CEP128: variants seen among roughly 807,000 people sequenced by gnomAD.
CEP128 encodes centrosomal protein 128.
CEP128 carries 132 observed loss-of-function variants against 156.7 expected under a neutral mutation model. The ratio of observed to expected loss-of-function variants is 0.84; its 90% CI spans 0.73 to 0.97. The LOEUF (loss-of-function observed/expected upper bound fraction) is 0.97. CEP128 is among the 50% of genes least tolerant of loss of function. The pLI is 0.00. For missense variants in CEP128, 1,252 were observed against 1,281.9 expected (o/e 0.98, Z 0.36); for synonymous variants, 469 against 448.9 (o/e 1.04, Z -0.57).
intron 13 of CEP128, among the ~76,000 whole-genome samples, chr14:80,812,180 G>C (rs1326975017): frequency 1.3e-5 from 2 of 152,068 alleles, no homozygotes; most frequent in Non-Finnish European, 2.9e-5. Flanking sequence ...GAGTTAATTG[G>C]CTCAGGATAA....
intron 19 of CEP128, among the ~76,000 whole-genome samples, chr14:80,680,413 C>T (rs2630274): frequency 0.16 from 24,009 of 152,072 alleles, 2,144 homozygotes; most frequent in African/African-American, 0.23. Flanking sequence ...CGGCCCTCTG[C>T]GCTCCATGCC....
At chr14:80,498,511 A>G (rs886076068) in intron 24 of CEP128, among the ~76,000 whole-genome samples, 1 of 152,154 alleles carries the variant, frequency 6.6e-6, no homozygotes, top group African/African-American at 2.4e-5. Flanking sequence ...CCGTATCTCT[A>G]GGAGACCATG....
rs1407268398 is a variant in CEP128 at position 80,862,871 on chromosome 14, A to G, written c.648T>C (p.Val216=). 1 of 1,610,512 alleles carries G rather than the reference A, an allele frequency of 6.2e-7. No homozygotes were observed. The highest frequency in any genetic ancestry group is 1.3e-5 in the African/African-American group (1 of 74,862). ...GAAGCCGCCGCTCCACCCGATCTGAAACCTTAATAAGAATTCAGAGAAACA... is the reference window on the plus strand; with the variant it reads ...GAAGCCGCCGCTCCACCCGATCTGAGACCTTAATAAGAATTCAGAGAAACA... The part of the protein sequence containing the change: ...KLNEAQKQEV[V]SDRVERRLQE... The change falls in exon 9 of 25, where the codon GTT becomes GTC. Residue 216 remains valine (V), a splice_region_variant and synonymous_variant. Coordinates refer to ENST00000555265, the MANE Select transcript of CEP128 (RefSeq NM_152446.5).
intron 5 of CEP128, chr14:80,905,679 T>C (rs1164725770): frequency 3.5e-6 from 1 of 285,330 alleles, no homozygotes; most frequent in African/African-American, 2.3e-5. Context: ...TATGTATTTG[T>C]TTTGATTCTT....
At chr14:80,520,584 G>A (rs1011175924) in intron 23 of CEP128, among the ~76,000 whole-genome samples, 1 of 152,042 alleles carries the variant, frequency 6.6e-6, no homozygotes, top group Non-Finnish European at 1.5e-5. Context: ...TATTCCTAGT[G>A]TGTCAATAAT....
chr14:80,824,923 G>A (rs1038074895), intron 13 of CEP128, among the ~76,000 whole-genome samples: 3 of 152,132 alleles, frequency 2.0e-5, no homozygotes, highest in African/African-American at 4.8e-5. Flanking sequence ...AGACACACCC[G>A]AGACTGGGCA....
At chr14:80,918,117 A>G (rs1265096392) in intron 2 of CEP128, among the ~76,000 whole-genome samples, 1 of 152,344 alleles carries the variant, frequency 6.6e-6, no homozygotes. Context: ...CCCTCCCACC[A>G]TAAGGAAACA....
intron 23 of CEP128, among the ~76,000 whole-genome samples, chr14:80,508,174 C>A (rs753585716): frequency 6.6e-6 from 1 of 152,128 alleles, no homozygotes; most frequent in Non-Finnish European, 1.5e-5. Flanking sequence ...CCTTGGCCCC[C>A]CAAAGTGCTG....
intron 12 of CEP128, among the ~76,000 whole-genome samples, chr14:80,832,404 G>A (rs1198332070): frequency 2.6e-5 from 4 of 151,682 alleles, no homozygotes; most frequent in African/African-American, 9.7e-5. Context: ...AAAAAAAGGA[G>A]GCAATGAAAG....
At chr14:80,914,174 CTAAACT>C (rs542903451) in intron 4 of CEP128, 142 bp downstream of exon 4, 23 of 558,492 alleles carry the variant, frequency 4.1e-5, no homozygotes, top group South Asian at 3.0e-4. Context: ...ACAAGCTAAC[CTAAACT>C]TAAACTATAA....
chr14:80,835,391 A>T (rs1886022555), intron 12 of CEP128, among the ~76,000 whole-genome samples: 1 of 152,208 alleles, frequency 6.6e-6, no homozygotes, highest in Non-Finnish European at 1.5e-5. Flanking sequence ...GCAATGTGGA[A>T]ATTCTAGCTT....
Position 80,688,021 on chromosome 14 carries a change from T to C in CEP128, c.2806+55054A>G, listed in dbSNP as rs59140254. On this transcript the variant is annotated intron_variant, in intron 19 of 24. Coordinates refer to ENST00000555265, the MANE Select transcript of CEP128 (RefSeq NM_152446.5). ...TATTCTGATAGTTGCTTCATGTTAA[T>C]CTGGCTTGACTTTTAACAGAACAAG... Among the ~76,000 whole-genome samples, 1,002 of 152,286 alleles carry C rather than the reference T, an allele frequency of 6.6e-3. 10 individuals carry two copies. Among genetic ancestry groups the C allele is most frequent in the African/African-American group, 0.022 (924 of 41,578 alleles).
At chr14:80,740,224 C>T (rs956421396) in intron 19 of CEP128, among the ~76,000 whole-genome samples, 6 of 152,056 alleles carry the variant, frequency 3.9e-5, no homozygotes, top group South Asian at 2.1e-4. Context: ...CTGTGCACCA[C>T]GCTCTTTCTA....
At chr14:80,823,336 T>G (rs1187734281) in intron 13 of CEP128, among the ~76,000 whole-genome samples, 1 of 152,218 alleles carries the variant, frequency 6.6e-6, no homozygotes, top group African/African-American at 2.4e-5. Context: ...TTCATTTCAC[T>G]TCCTGAAAGT....
intron 13 of CEP128, among the ~76,000 whole-genome samples, chr14:80,798,629 ATTAT>A: frequency 6.6e-6 from 1 of 152,338 alleles, no homozygotes; most frequent in Non-Finnish European, 1.5e-5. Context: ...TCTCCTTATT[ATTAT>A]TTAAGTAAAA....
chr14:80,710,872 T>C (rs1595263062), intron 19 of CEP128, among the ~76,000 whole-genome samples: 1 of 152,130 alleles, frequency 6.6e-6, no homozygotes, highest in East Asian at 1.9e-4. Context: ...ATTTTGGAAA[T>C]AAACCATCTG....
At chr14:80,716,923 G>A (rs1228567286) in intron 19 of CEP128, among the ~76,000 whole-genome samples, 3 of 152,132 alleles carry the variant, frequency 2.0e-5, no homozygotes, top group Non-Finnish European at 4.4e-5. Context: ...TAGCTGTCCT[G>A]GTGAGTATAA....
intron 23 of CEP128, among the ~76,000 whole-genome samples, chr14:80,505,733 T>A (rs1324700697): frequency 6.6e-6 from 1 of 152,216 alleles, no homozygotes; most frequent in Non-Finnish European, 1.5e-5. Flanking sequence ...AAAATAGATT[T>A]AAAATACGTG....
downstream of CEP128, among the ~76,000 whole-genome samples, chr14:80,486,229 C>G (rs1241828624): frequency 6.6e-6 from 1 of 152,200 alleles, no homozygotes; most frequent in East Asian, 1.9e-4. Flanking sequence ...AATGCAGAAG[C>G]CTCAGGAGCC....
Sources: allele counts gnomAD v4.1 joint callset (sites outside exome capture counted in the v4.1 genomes callset), GRCh38; gene constraint gnomAD v4.1.1; transcripts MANE v1.5; gene names NCBI Gene and HGNC (gene_info 2026-07-23, HGNC 2026-07-21).